GTF2E2: variants seen among roughly 807,000 people sequenced by gnomAD.
GTF2E2 encodes the protein transcription initiation factor IIE subunit beta.
A neutral mutation model predicts 40.5 loss-of-function variants in GTF2E2; 21 were observed. The ratio of observed to expected loss-of-function variants is 0.52; its 90% confidence interval spans 0.37 to 0.75. GTF2E2 has a LOEUF of 0.75. Among genes scored for constraint, GTF2E2 ranks in the 30% least tolerant of loss-of-function variants. The pLI, the probability that GTF2E2 is intolerant of heterozygous loss-of-function variation, is 0.00. For synonymous variants in GTF2E2, 117 were observed against 121.6 expected (o/e 0.96, Z 0.25); for missense variants, 298 against 338.4 (o/e 0.88, Z 0.94).
intron 5 of GTF2E2, among the ~76,000 whole-genome samples, chr8:30,610,340 G>A (rs549114054): frequency 1.0e-3 from 153 of 151,646 alleles, no homozygotes; most frequent in African/African-American, 3.6e-3. Context: ...CAGCTAATCA[G>A]GAGGCTGAGG....
chr8:30,631,670 T>C (rs1026881097), intron 3 of GTF2E2, among the ~76,000 whole-genome samples: 4 of 152,230 alleles, frequency 2.6e-5, no homozygotes, highest in African/African-American at 9.6e-5. Flanking sequence ...TCATACTGAG[T>C]AGTTTGAAGC....
rs754376326 is a variant in GTF2E2, at chr8:30,578,904, C to A, written c.*17G>T. The A allele has an allele frequency of 1.6e-6, 2 of 1,237,794 alleles. No individual in the cohort carries two copies. Among genetic ancestry groups the A allele is most frequent in the Non-Finnish European group, 2.4e-6 (2 of 836,286 alleles). The allele number at this position is 1,237,794 out of a possible 1,614,324, so 76.7% of individuals were successfully genotyped here. ...TGATTGTGTATCTGTAACTCTGTTCCAGGGCAAAACTGTTCCCTATTTGCT... is the reference window on the plus strand; with the variant it reads ...TGATTGTGTATCTGTAACTCTGTTCAAGGGCAAAACTGTTCCCTATTTGCT... On this transcript the variant is annotated 3_prime_UTR_variant, in exon 8 of 8. Transcript: ENST00000355904.
At chr8:30,597,685 C>A (rs1829052383) in intron 6 of GTF2E2, among the ~76,000 whole-genome samples, 1 of 152,174 alleles carries the variant, frequency 6.6e-6, no homozygotes, top group Non-Finnish European at 1.5e-5. Context: ...TATCAGCATG[C>A]AGACTTCTGG....
chr8:30,651,311 A>G (rs1802269264), intron 2 of GTF2E2, among the ~76,000 whole-genome samples: 1 of 152,104 alleles, frequency 6.6e-6, no homozygotes, highest in Non-Finnish European at 1.5e-5. Flanking sequence ...ACCACACAAA[A>G]AACTACGAGA....
intron 3 of GTF2E2, among the ~76,000 whole-genome samples, chr8:30,629,550 G>A (rs1051152200): frequency 5.3e-5 from 8 of 151,996 alleles, no homozygotes; most frequent in Admixed American, 1.3e-4. Context: ...TTAGCCAGGC[G>A]TGGTGGCAGG....
In GTF2E2 at chr8:30,602,214, C is replaced by T. The variant is rs377145277; in HGVS notation, c.643+4843G>A. Among the ~76,000 whole-genome samples the T allele has an allele frequency of 5.9e-5, 9 of 152,170 alleles. No homozygotes were observed. The South Asian group carries it at 1.9e-3, about 32-fold the overall frequency. On this transcript the variant is annotated intron_variant, in intron 6 of 7. Coordinates refer to ENST00000355904, the MANE Select transcript of GTF2E2 (RefSeq NM_002095.6). ...TGTACTTTTAGGAGAAATGGGATTT[C>T]ACCATGTTGACCAGGCTGGTCTTGA... is the stretch of plus-strand genomic sequence containing the variant.
At chr8:30,580,250 G>T in intron 7 of GTF2E2, 31 bp downstream of exon 7, 1 of 1,181,210 alleles carries the variant, frequency 8.5e-7, no homozygotes, top group South Asian at 1.2e-5. Flanking sequence ...CCAGGGCAGG[G>T]GATTAAGCTG....
intron 3 of GTF2E2, among the ~76,000 whole-genome samples, chr8:30,621,637 TTTC>T (rs1333164268): frequency 2.0e-5 from 3 of 152,144 alleles, no homozygotes; most frequent in South Asian, 4.1e-4. Context: ...TTTGTTTCAC[TTTC>T]TTATTTTTTT....
At chr8:30,601,860 C>T (rs959902668) in intron 6 of GTF2E2, among the ~76,000 whole-genome samples, 1 of 152,134 alleles carries the variant, frequency 6.6e-6, no homozygotes, top group African/African-American at 2.4e-5. Flanking sequence ...AAGGAAGAGA[C>T]CAGTTATGAC....
intron 5 of GTF2E2, among the ~76,000 whole-genome samples, chr8:30,607,590 G>A (rs1829356128): frequency 6.6e-6 from 1 of 152,096 alleles, no homozygotes; most frequent in African/African-American, 2.4e-5. Flanking sequence ...CCCAATTTTA[G>A]TTTTTGAGTT....
At chr8:30,612,544 T>C (rs1164781504) in intron 4 of GTF2E2, 63 bp from the exon 5 acceptor site, 5 of 983,558 alleles carry the variant, frequency 5.1e-6, no homozygotes, top group Non-Finnish European at 7.3e-6. Context: ...TATATATTTT[T>C]GAAACGTAAT....
chr8:30,629,751 C>G (rs1801387083), intron 3 of GTF2E2, among the ~76,000 whole-genome samples: 1 of 148,344 alleles, frequency 6.7e-6, no homozygotes, highest in East Asian at 2.0e-4. Flanking sequence ...TTCAATAGGT[C>G]TGGAAAGGGG....
At chr8:30,627,620 G>A (rs1016553295) in intron 3 of GTF2E2, among the ~76,000 whole-genome samples, 4 of 152,106 alleles carry the variant, frequency 2.6e-5, no homozygotes, top group Admixed American at 2.0e-4. Context: ...CTTGAGGCCA[G>A]GAGTTTAAGA....
intron 2 of GTF2E2, among the ~76,000 whole-genome samples, chr8:30,652,646 T>C (rs997007339): frequency 2.0e-5 from 3 of 152,298 alleles, no homozygotes; most frequent in Admixed American, 6.5e-5. Context: ...ACAGCTATTT[T>C]AGCAGTTTCT....
rs533646142 is a variant in GTF2E2 at position 30,578,447 on chromosome 8, T to C, written c.*474A>G. The C allele has an allele frequency of 8.7e-5, 14 of 161,128 alleles. No homozygotes were observed. Among genetic ancestry groups the C allele is most frequent in the Non-Finnish European group, 1.8e-4 (13 of 73,872 alleles). The allele number at this position is 161,128 out of a possible 1,614,324, so 10.0% of individuals were successfully genotyped here. A position where few individuals can be genotyped will look rare whatever the true frequency, so the allele number is the denominator to read the frequency against. ...CATCACATCCCCAGCACGTGACCCA[T>C]GGAAATCAGAGACTGGAGCTGCTTC... On this transcript the variant is annotated 3_prime_UTR_variant, in exon 8 of 8. Coordinates refer to ENST00000355904, the MANE Select transcript of GTF2E2 (RefSeq NM_002095.6).
intron 6 of GTF2E2, among the ~76,000 whole-genome samples, chr8:30,582,273 C>T (rs1317863892): frequency 2.0e-5 from 3 of 152,210 alleles, no homozygotes; most frequent in African/African-American, 7.2e-5. Context: ...ATCCATCTGC[C>T]TTGGCCTCCC....
chr8:30,580,507 G>GAT, intron 6 of GTF2E2, 111 bp from the exon 7 acceptor site: 1 of 671,500 alleles, frequency 1.5e-6, no homozygotes, highest in Non-Finnish European at 2.7e-6. Flanking sequence ...GAGCACATCT[G>GAT]ATATGTCATC....
chr8:30,658,149 C>CGGT lies in GTF2E2; in HGVS notation c.-182_-181insACC. The CGGT allele has an allele frequency of 5.2e-6, 1 of 193,686 alleles. No homozygotes were observed. The highest frequency in any genetic ancestry group is 1.7e-4 in the East Asian group (1 of 5,780). The allele number at this position is 193,686 out of a possible 1,614,324, so 12.0% of individuals were successfully genotyped here. ...GGGGTCTCACCACTGGCGGTGGCGG[C>CGGT]GGCGGCGGCGGCAGCGGCGGTAGCT... On this transcript the variant is annotated 5_prime_UTR_variant, in exon 1 of 8. Coordinates refer to ENST00000355904, the MANE Select transcript of GTF2E2 (RefSeq NM_002095.6).
At chr8:30,614,435 C>G (rs1451424941) in intron 4 of GTF2E2, among the ~76,000 whole-genome samples, 173 bp downstream of exon 4, 1 of 152,052 alleles carries the variant, frequency 6.6e-6, no homozygotes, top group Non-Finnish European at 1.5e-5. Flanking sequence ...CAAAAATTAG[C>G]CTGGTATCGT....
Sources: allele counts gnomAD v4.1 joint callset (sites outside exome capture counted in the v4.1 genomes callset), GRCh38; gene constraint gnomAD v4.1.1; transcripts MANE v1.5; gene names NCBI Gene and HGNC (gene_info 2026-07-23, HGNC 2026-07-21).